Variants in EPB41L3 observed in about 807,000 individuals in gnomAD.
The protein encoded by EPB41L3 is erythrocyte membrane protein band 4.1 like 3, also known as band 4.1-like protein 3.
Under a neutral mutation model 127.1 loss-of-function variants are expected in EPB41L3, and 57 were observed. The observed-to-expected ratio is 0.45, with a 90% CI of 0.36 to 0.56. The LOEUF (loss-of-function observed/expected upper bound fraction) is 0.56, where lower values mean the gene tolerates loss of function less well. Ranked by LOEUF, EPB41L3 falls within the 20% of genes least tolerant of loss-of-function variation. The pLI is 0.00. For synonymous variants in EPB41L3, 572 were observed against 549.5 expected (o/e 1.04, Z -0.57); for missense variants, 1,273 against 1,372.2 (o/e 0.93, Z 1.14).
At chr18:5,603,559 A>G (rs113332448) in intron 3 of EPB41L3, among the ~76,000 whole-genome samples, 366 of 152,268 alleles carry the variant, frequency 2.4e-3, no homozygotes, top group Admixed American at 4.0e-3. Context: ...TCTCCTTTCA[A>G]TGGATATAAG....
At chr18:5,403,569 G>A (rs1313284504) in intron 16 of EPB41L3, among the ~76,000 whole-genome samples, 1 of 143,244 alleles carries the variant, frequency 7.0e-6, no homozygotes, top group Non-Finnish European at 1.5e-5. Flanking sequence ...TTTCTTCAAA[G>A]TACCATTTTG....
intron 3 of EPB41L3, among the ~76,000 whole-genome samples, chr18:5,477,847 A>G (rs1033238597): frequency 1.3e-5 from 2 of 152,226 alleles, no homozygotes; most frequent in African/African-American, 2.4e-5. Context: ...CCCTATGTAC[A>G]GAATTTGTAA....
At chr18:5,581,637 C>T (rs2094394611) in intron 3 of EPB41L3, among the ~76,000 whole-genome samples, 1 of 152,224 alleles carries the variant, frequency 6.6e-6, no homozygotes, top group African/African-American at 2.4e-5. Flanking sequence ...ATACCCACTC[C>T]ACAGTTTAGT....
intron 12 of EPB41L3, among the ~76,000 whole-genome samples, chr18:5,416,891 G>T: frequency 6.6e-6 from 1 of 151,484 alleles, no homozygotes; most frequent in East Asian, 1.9e-4. Flanking sequence ...TCCTTTCCCT[G>T]GTTATTCAAT....
chr18:5,473,148 G>A (rs570651686), intron 3 of EPB41L3, among the ~76,000 whole-genome samples: 160 of 152,226 alleles, frequency 1.1e-3, no homozygotes, highest in African/African-American at 3.7e-3. Flanking sequence ...CCAATCTGGA[G>A]GCAAATCTCT....
upstream of EPB41L3, chr18:5,544,084 C>G: frequency 1.0e-6 from 1 of 985,516 alleles, no homozygotes. Context: ...CTCCGCGGAG[C>G]TGCGGCGGGG....
chr18:5,615,767 T>C (rs1002607716), intron 1 of EPB41L3, among the ~76,000 whole-genome samples: 8 of 152,234 alleles, frequency 5.3e-5, no homozygotes. Context: ...AACTGTGATC[T>C]ATATGCATAC....
intron 16 of EPB41L3, among the ~76,000 whole-genome samples, chr18:5,406,418 A>G (rs2075392115): frequency 1.3e-5 from 2 of 152,180 alleles, no homozygotes; most frequent in African/African-American, 4.8e-5. Flanking sequence ...AACAATCTCA[A>G]TGGGCCTCAA....
intron 3 of EPB41L3, among the ~76,000 whole-genome samples, chr18:5,473,895 A>G (rs908259671): frequency 2.0e-5 from 3 of 152,122 alleles, no homozygotes; most frequent in African/African-American, 7.2e-5. Context: ...ATCTTTTCTT[A>G]TATTTTAAAT....
At position 5,397,655 on chromosome 18, in the gene EPB41L3, G is replaced by A. The variant is rs986876394; in HGVS notation, c.2473-229C>T. On this transcript the variant is annotated intron_variant, in intron 17 of 22. Transcript: ENST00000341928. This position sits in a 1 kb window ranked among gnomAD's most constrained non-coding sequence, Gnocchi z 4.1. ...CCTGCGCTGCTGCTTCAGGACATCC[G>A]CAAAACAAACGGAAGGCAGGATAAA... Among the ~76,000 whole-genome samples, 4 of 152,142 alleles carry A rather than the reference G, an allele frequency of 2.6e-5. No individual in the cohort carries two copies. The highest frequency in any genetic ancestry group is 7.2e-5 in the African/African-American group (3 of 41,436).
intron 13 of EPB41L3, among the ~76,000 whole-genome samples, chr18:5,411,327 A>G (rs1568035133): frequency 6.6e-6 from 1 of 152,224 alleles, no homozygotes; most frequent in Non-Finnish European, 1.5e-5. Context: ...TATGTATTTG[A>G]ACATCTTGCT....
intron 2 of EPB41L3, among the ~76,000 whole-genome samples, chr18:5,482,208 A>G (rs2088702405): frequency 6.6e-6 from 1 of 152,256 alleles, no homozygotes; most frequent in South Asian, 2.1e-4. Flanking sequence ...GAACTGAGAA[A>G]TACATTTGAT....
At chr18:5,545,637 T>C (rs1209725427), upstream of EPB41L3, among the ~76,000 whole-genome samples, 1 of 152,192 alleles carries the variant, frequency 6.6e-6, no homozygotes, top group Admixed American at 6.5e-5. Flanking sequence ...AAACTAATCT[T>C]ATGGCTCTGC....
intron 1 of EPB41L3, among the ~76,000 whole-genome samples, chr18:5,625,530 T>C (rs550410672): frequency 5.3e-5 from 8 of 152,326 alleles, no homozygotes; most frequent in Admixed American, 1.3e-4. Context: ...TTTAAACATA[T>C]TCAGTTTGAG....
At chr18:5,542,210 GCTTGATGTGCTGCTCT>G (rs746640505) in intron 1 of EPB41L3, among the ~76,000 whole-genome samples, 19 of 152,204 alleles carry the variant, frequency 1.2e-4, no homozygotes, top group African/African-American at 1.9e-4. Context: ...GTTCACTGGA[GCTTGATGTGCTGCTCT>G]CTTTTCTTAA....
chr18:5,493,663 C>T (rs1179759966), intron 1 of EPB41L3, among the ~76,000 whole-genome samples: 1 of 152,296 alleles, frequency 6.6e-6, no homozygotes, highest in South Asian at 2.1e-4. Flanking sequence ...TTTCCACTCT[C>T]CTACTCCCTC....
chr18:5,469,639 T>A (rs567170604), intron 3 of EPB41L3, among the ~76,000 whole-genome samples: 1 of 152,250 alleles, frequency 6.6e-6, no homozygotes, highest in East Asian at 1.9e-4. Flanking sequence ...AAATCAAGCA[T>A]AGGCGCCACC....
At chr18:5,624,734 G>A (rs542265746) in intron 1 of EPB41L3, among the ~76,000 whole-genome samples, 17 of 152,268 alleles carry the variant, frequency 1.1e-4, no homozygotes, top group African/African-American at 3.9e-4. Context: ...CCCCCACTCC[G>A]GACAAAACTT....
intron 2 of EPB41L3, among the ~76,000 whole-genome samples, chr18:5,482,798 G>A (rs548892638): frequency 2.6e-5 from 4 of 152,150 alleles, no homozygotes; most frequent in South Asian, 2.1e-4. Flanking sequence ...AATCTTTCCC[G>A]AAAGAACAAA....
Sources: allele counts gnomAD v4.1 joint callset (sites outside exome capture counted in the v4.1 genomes callset), GRCh38; gene constraint gnomAD v4.1.1; non-coding constraint Gnocchi (gnomAD v3.1); transcripts MANE v1.5; gene names NCBI Gene and HGNC (gene_info 2026-07-23, HGNC 2026-07-21).